Variants in LRFN5 observed in about 807,000 individuals in gnomAD.
LRFN5 encodes the protein leucine-rich repeat and fibronectin type-III domain-containing protein 5.
A neutral mutation model predicts 45.6 loss-of-function variants in LRFN5; 24 were observed. The observed-to-expected ratio is 0.53, with a 90% CI of 0.38 to 0.74. The LOEUF (loss-of-function observed/expected upper bound fraction) is 0.74. LRFN5 is among the 30% of genes least tolerant of loss of function. LRFN5 has a pLI of 0.00. For missense variants in LRFN5, 776 were observed against 861.5 expected, an observed-to-expected ratio of 0.90 and a Z score of 1.24; for synonymous variants, 340 against 313.8, an observed-to-expected ratio of 1.08 and a Z score of -0.88.
At chr14:41,712,294 G>C (rs1252175847) in intron 1 of LRFN5, among the ~76,000 whole-genome samples, 1 of 110,300 alleles carries the variant, frequency 9.1e-6, no homozygotes, top group African/African-American at 3.3e-5. Context: ...AGGCGCAGTG[G>C]CTTACACCTA....
At chr14:41,890,571 G>A (rs948159561) in intron 3 of LRFN5, among the ~76,000 whole-genome samples, 3 of 151,898 alleles carry the variant, frequency 2.0e-5, no homozygotes, top group Non-Finnish European at 4.4e-5. Flanking sequence ...GCCGGGCGTG[G>A]TGGCGGGCGC....
intron 2 of LRFN5, among the ~76,000 whole-genome samples, chr14:41,859,089 A>G (rs1401153648): frequency 6.6e-6 from 1 of 152,120 alleles, no homozygotes; most frequent in African/African-American, 2.4e-5. Flanking sequence ...GCATTTATGA[A>G]TTTCTATGGT....
intron 2 of LRFN5, among the ~76,000 whole-genome samples, chr14:41,825,747 G>T (rs1241905094): frequency 6.6e-6 from 1 of 152,110 alleles, no homozygotes; most frequent in Non-Finnish European, 1.5e-5. Flanking sequence ...CCTTGGTTTG[G>T]GGGGAGGGTG....
chr14:41,637,662 C>T (rs1449045023), intron 1 of LRFN5, among the ~76,000 whole-genome samples: 1 of 152,044 alleles, frequency 6.6e-6, no homozygotes, highest in Non-Finnish European at 1.5e-5. Context: ...GCTCTGTACA[C>T]CTTATTTGGA....
intron 2 of LRFN5, among the ~76,000 whole-genome samples, chr14:41,820,383 G>A (rs1267651321): frequency 1.6e-4 from 24 of 151,604 alleles, no homozygotes; most frequent in Non-Finnish European, 4.4e-5. Context: ...CCATTTCCAT[G>A]GTGTATTTGT....
chr14:41,762,827 TG>T (rs1324722280), intron 1 of LRFN5, among the ~76,000 whole-genome samples: 1 of 152,146 alleles, frequency 6.6e-6, no homozygotes, highest in Non-Finnish European at 1.5e-5. Context: ...TCAAAACAGC[TG>T]GTTTTTGCAT....
chr14:41,834,125 A>G (rs74045467), intron 2 of LRFN5, among the ~76,000 whole-genome samples: 1,895 of 152,288 alleles, frequency 0.012, 38 homozygotes, highest in African/African-American at 0.042. Flanking sequence ...TAAAGCTGTC[A>G]GTAAGATTCC....
chr14:41,740,489 G>A (rs959256016), intron 1 of LRFN5, among the ~76,000 whole-genome samples: 2 of 151,856 alleles, frequency 1.3e-5, no homozygotes, highest in African/African-American at 4.8e-5. Context: ...AAAAACATTT[G>A]ACTACATTTA....
At chr14:41,703,825 C>T (rs1387874253) in intron 1 of LRFN5, among the ~76,000 whole-genome samples, 1 of 152,072 alleles carries the variant, frequency 6.6e-6, no homozygotes, top group Non-Finnish European at 1.5e-5. Flanking sequence ...TTTTGTATCA[C>T]ACCTTGATAG....
intron 1 of LRFN5, among the ~76,000 whole-genome samples, chr14:41,650,892 A>C (rs1028576275): frequency 1.1e-5 from 1 of 92,898 alleles, no homozygotes; most frequent in Non-Finnish European, 1.9e-5. Flanking sequence ...AGAAAGAGAG[A>C]GAGAGAGGGA....
chr14:41,779,172 CTCTT>C (rs935828291), intron 2 of LRFN5, among the ~76,000 whole-genome samples: 2 of 151,774 alleles, frequency 1.3e-5, no homozygotes, highest in African/African-American at 2.4e-5. Context: ...AAGTTTTCCT[CTCTT>C]TCTAGTTGGC....
chr14:41,687,660 G>C (rs994020697), intron 1 of LRFN5, among the ~76,000 whole-genome samples: 3 of 152,174 alleles, frequency 2.0e-5, no homozygotes, highest in African/African-American at 7.2e-5. Flanking sequence ...TGCAGCCATA[G>C]AAAGCAATGA....
At chr14:41,736,773 C>T (rs955216329) in intron 1 of LRFN5, among the ~76,000 whole-genome samples, 1 of 152,098 alleles carries the variant, frequency 6.6e-6, no homozygotes, top group Non-Finnish European at 1.5e-5. Flanking sequence ...AATTCCTGGA[C>T]ACATACACCC....
intron 1 of LRFN5, among the ~76,000 whole-genome samples, chr14:41,660,964 T>C (rs1434486583): frequency 6.6e-6 from 1 of 151,564 alleles, no homozygotes; most frequent in Non-Finnish European, 1.5e-5. Flanking sequence ...CAATCTTGGG[T>C]TTATTGCGCT....
intron 2 of LRFN5, among the ~76,000 whole-genome samples, chr14:41,870,949 G>A (rs988772287): frequency 6.6e-6 from 1 of 151,530 alleles, no homozygotes; most frequent in African/African-American, 2.4e-5. Context: ...AACCGACCAG[G>A]TATATTATAA....
chr14:41,863,330 T>C (rs186508601), intron 2 of LRFN5, among the ~76,000 whole-genome samples: 53 of 152,350 alleles, frequency 3.5e-4, no homozygotes, highest in African/African-American at 1.2e-3. Flanking sequence ...TAATTTGTTG[T>C]TCTCTTTAAA....
chr14:41,875,698 A>T (rs908323393), intron 2 of LRFN5, among the ~76,000 whole-genome samples: 3 of 152,220 alleles, frequency 2.0e-5, no homozygotes, highest in Non-Finnish European at 4.4e-5. Context: ...GACTATAGTT[A>T]AGTGTGTCAT....
At chr14:41,654,591 TAA>T (rs1880288276) in intron 1 of LRFN5, among the ~76,000 whole-genome samples, 1 of 151,978 alleles carries the variant, frequency 6.6e-6, no homozygotes, top group African/African-American at 2.4e-5. Context: ...TTCCATGAAC[TAA>T]AAGAATCCTG....
At chr14:41,757,658 C>A (rs1470614501) in intron 1 of LRFN5, among the ~76,000 whole-genome samples, 4 of 152,156 alleles carry the variant, frequency 2.6e-5, no homozygotes, top group Non-Finnish European at 5.9e-5. Flanking sequence ...CATCTGTCAC[C>A]CCTTTCTTTG....
Sources: allele counts gnomAD v4.1 joint callset (sites outside exome capture counted in the v4.1 genomes callset), GRCh38; gene constraint gnomAD v4.1.1; transcripts MANE v1.5; gene names NCBI Gene and HGNC (gene_info 2026-07-23, HGNC 2026-07-21).